Variants in FETUB observed in about 807,000 individuals in gnomAD.
FETUB encodes the protein fetuin B.
In FETUB, 28 loss-of-function variants were observed where a neutral mutation model predicts 30.9. The observed-to-expected ratio is 0.90, with a 90% confidence interval of 0.67 to 1.24. The LOEUF (loss-of-function observed/expected upper bound fraction) is 1.24. Among genes scored for constraint, FETUB ranks in the 50% most tolerant of loss-of-function variants. The pLI, the probability that FETUB is intolerant of heterozygous loss-of-function variation, is 0.00. For synonymous variants in FETUB, 186 were observed against 175.9 expected (o/e 1.06, Z -0.45); for missense variants, 469 against 455.3 (o/e 1.03, Z -0.27).
chr3:186,645,252 T>C (rs1717408748), intron 4 of FETUB, among the ~76,000 whole-genome samples: 1 of 152,232 alleles, frequency 6.6e-6, no homozygotes, highest in African/African-American at 2.4e-5. Context: ...GTGGACCATT[T>C]TACAACATAA....
chr3:186,643,304 T>C (rs1358543017), intron 3 of FETUB, among the ~76,000 whole-genome samples: 1 of 152,220 alleles, frequency 6.6e-6, no homozygotes. Flanking sequence ...TTAATGACAC[T>C]TGAAATATGC....
chr3:186,650,946 C>T (rs1032955356), intron 5 of FETUB, among the ~76,000 whole-genome samples: 1 of 152,202 alleles, frequency 6.6e-6, no homozygotes, highest in African/African-American at 2.4e-5. Context: ...GTTGTATGGA[C>T]ATAACTTTCC....
upstream of FETUB, among the ~76,000 whole-genome samples, chr3:186,637,261 A>C (rs113923889): frequency 0.013 from 2,040 of 152,302 alleles, 47 homozygotes; most frequent in African/African-American, 0.046. Context: ...GGAAGGAAGA[A>C]AAGATAAAGG....
rs751567527 is a variant in FETUB at position 186,640,520 on chromosome 3, T to C, written c.60T>C (p.Ser20=). The C allele has an allele frequency of 6.2e-7, 1 of 1,614,040 alleles. No individual in the cohort carries two copies. The highest frequency in any genetic ancestry group is 8.5e-7 in the Non-Finnish European group (1 of 1,180,038). The change falls in exon 1 of 7, where the codon TCT becomes TCC. Residue 20 remains serine (S), a synonymous_variant. Coordinates refer to ENST00000265029, the MANE Select transcript of FETUB (RefSeq NM_014375.3). ...CILVLCCGAM[S]PPQLALNPSA... ...TAGTCCTGTGCTGCGGAGCAATGTC[T>C]CCACCCCAGCTGGCCCTCAACCCCT...
upstream of FETUB, chr3:186,636,362 C>T (rs2108509936): frequency 6.6e-6 from 1 of 152,342 alleles, no homozygotes; most frequent in East Asian, 1.9e-4. Context: ...TCACGTCCAT[C>T]CTGTGGATTA....
intron 4 of FETUB, 102 bp downstream of exon 4, chr3:186,645,022 G>A (rs1717387280): frequency 2.3e-6 from 2 of 876,774 alleles, no homozygotes; most frequent in South Asian, 1.9e-5. Context: ...ATTTTGATTA[G>A]AACCAAAATA....
intron 2 of FETUB, 38 bp downstream of exon 2, chr3:186,641,178 G>A (rs1402149032): frequency 2.4e-6 from 3 of 1,249,018 alleles, no homozygotes; most frequent in Non-Finnish European, 3.5e-6. Context: ...AGGGCCCTAG[G>A]GAAAGCAAGT....
At chr3:186,642,640 G>A (rs1717167375) in intron 3 of FETUB, 82 bp downstream of exon 3, 4 of 808,550 alleles carry the variant, frequency 4.9e-6, no homozygotes, top group South Asian at 4.4e-5. Context: ...GAATGTATAG[G>A]GTATCTCTCA....
At chr3:186,639,655 T>TAAAAAAAAAAAAAAAAAAAAAA (rs5855107), upstream of FETUB, among the ~76,000 whole-genome samples, 1 of 129,496 alleles carries the variant, frequency 7.7e-6, no homozygotes, top group South Asian at 2.5e-4. Context: ...AAATAGAAGC[T>TAAAAAAAAAAAAAAAAAAAAAA]AAAAAAAAAA....
At chr3:186,644,462 T>C (rs1206333920) in intron 3 of FETUB, among the ~76,000 whole-genome samples, 1 of 152,232 alleles carries the variant, frequency 6.6e-6, no homozygotes, top group Non-Finnish European at 1.5e-5. Flanking sequence ...TGAGAAAAGA[T>C]AGTGAACTAG....
At chr3:186,639,368 A>G (rs1384345654), upstream of FETUB, among the ~76,000 whole-genome samples, 1 of 152,218 alleles carries the variant, frequency 6.6e-6, no homozygotes, top group African/African-American at 2.4e-5. Context: ...AGGATTCAGC[A>G]GTTCCTAAAC....
At position 186,652,655 on chromosome 3, in the gene FETUB, G is replaced by A. The variant is rs747072610; in HGVS notation, c.*24G>A. ...GAGAATCACACAGAGTCTTCTGTAG[G>A]GGTATGGTGCGCCGCATGACATGGG... On this transcript the variant is annotated 3_prime_UTR_variant, in exon 7 of 7. Transcript: ENST00000265029. 9.5e-6 allele frequency: 15 copies of A among 1,573,550 alleles called. No homozygotes were observed. The Admixed American group carries it at 1.8e-4, about 19-fold the overall frequency.
chr3:186,647,140 T>C (rs1464401584), intron 5 of FETUB: 2 of 152,218 alleles, frequency 1.3e-5, no homozygotes, highest in Non-Finnish European at 2.9e-5. Flanking sequence ...TCACTTAGCA[T>C]AGTGTTCTCA....
At chr3:186,641,688 CT>C (rs1195791415) in intron 2 of FETUB, 1 of 152,368 alleles carries the variant, frequency 6.6e-6, no homozygotes, top group African/African-American at 2.4e-5. Context: ...ATAGAAGAGA[CT>C]TGAAAATAGA....
At chr3:186,650,873 T>C (rs559804950) in intron 5 of FETUB, among the ~76,000 whole-genome samples, 1 of 152,222 alleles carries the variant, frequency 6.6e-6, no homozygotes, top group East Asian at 1.9e-4. Context: ...AGGGCTGCTA[T>C]ATAAAAGATG....
At chr3:186,652,191 A>C in intron 6 of FETUB, 72 bp from the exon 7 acceptor site, 1 of 1,476,950 alleles carries the variant, frequency 6.8e-7, no homozygotes. Context: ...GGCACAGATC[A>C]GCTTAGGCTG....
rs780075240 is a variant in FETUB, at chr3:186,651,224, G to A, written c.703G>A (p.Gly235Ser). ...ATTGTATTTTCTCTTTTAGCCTGTT[G>A]GTCTTTGCAAAGGTTCTCTGACTCG... is the stretch of plus-strand genomic sequence containing the variant. ...SLQSSDSVPV[G>S]LCKGSLTRTH... Residue 235 changes from glycine (G) to serine (S), a missense_variant, in exon 6 of 7, where the codon GGT becomes AGT. By Grantham distance (56) the Gly-to-Ser change is moderately conservative (BLOSUM62 0). Transcript: ENST00000265029. 4 of 1,609,898 alleles carry A rather than the reference G, an allele frequency of 2.5e-6. No individual in the cohort carries two copies. Among genetic ancestry groups the A allele is most frequent in the Non-Finnish European group, 3.4e-6 (4 of 1,176,374 alleles).
At chr3:186,638,017 C>G (rs1208902796), upstream of FETUB, among the ~76,000 whole-genome samples, 2 of 152,226 alleles carry the variant, frequency 1.3e-5, no homozygotes, top group African/African-American at 4.8e-5. Context: ...AGAATGTAAA[C>G]TGTGCCTTTC....
chr3:186,645,819 C>G (rs998579302), intron 4 of FETUB, among the ~76,000 whole-genome samples: 1 of 147,426 alleles, frequency 6.8e-6, no homozygotes, highest in Non-Finnish European at 1.5e-5. Flanking sequence ...CTCCAACTCC[C>G]TGGTTCAAGG....
Sources: gnomAD v4.1 joint callset for allele counts (sites outside exome capture counted in the v4.1 genomes callset) on GRCh38, gnomAD v4.1.1 for gene constraint, MANE v1.5 for transcripts, NCBI Gene and HGNC (gene_info 2026-07-23, HGNC 2026-07-21) for gene names.